ABCA6: variants seen among roughly 807,000 people sequenced by gnomAD.
The protein encoded by ABCA6 is ATP binding cassette subfamily A member 6.
Under a neutral mutation model 191.2 loss-of-function variants are expected in ABCA6, and 164 were observed. That is an observed-to-expected ratio of 0.86 (90% CI 0.76 to 0.98). ABCA6 has a LOEUF of 0.98. Ranked by LOEUF, ABCA6 falls within the 50% of genes least tolerant of loss-of-function variation. The pLI, the probability that ABCA6 is intolerant of heterozygous loss-of-function variation, is 0.00. For missense variants in ABCA6, 1,958 were observed against 1,894.1 expected (o/e 1.03, Z -0.63); for synonymous variants, 636 against 647.7 (o/e 0.98, Z 0.27).
intron 10 of ABCA6, among the ~76,000 whole-genome samples, chr17:69,121,093 T>C (rs1423740018): frequency 6.6e-6 from 1 of 151,876 alleles, no homozygotes; most frequent in Non-Finnish European, 1.5e-5. Context: ...AGAGACCACA[T>C]AGGAAGAAAA....
At chr17:69,087,157 TC>T (rs1598443370) in intron 29 of ABCA6, among the ~76,000 whole-genome samples, 195 bp downstream of exon 29, 1 of 152,238 alleles carries the variant, frequency 6.6e-6, no homozygotes, top group African/African-American at 2.4e-5. Flanking sequence ...GGTTTTGTGT[TC>T]TTTTTAGCTT....
intron 8 of ABCA6, among the ~76,000 whole-genome samples, chr17:69,127,211 A>T (rs1183425037): frequency 6.6e-6 from 1 of 152,182 alleles, no homozygotes; most frequent in Non-Finnish European, 1.5e-5. Context: ...CAGCCAGAAA[A>T]TATCTTTGTA....
intron 23 of ABCA6, among the ~76,000 whole-genome samples, chr17:69,097,236 C>T (rs546064246): frequency 3.9e-5 from 6 of 152,110 alleles, no homozygotes; most frequent in African/African-American, 1.4e-4. Flanking sequence ...ACTAAAAACA[C>T]AAAAAGTAGT....
chr17:69,128,643 A>C lies in ABCA6; in HGVS notation c.1095T>G (p.Phe365Leu). The change falls in exon 8 of 39, where the codon TTT becomes TTG. Residue 365 changes from phenylalanine (F) to leucine (L), a missense_variant. Coordinates refer to ENST00000284425, the MANE Select transcript of ABCA6 (RefSeq NM_080284.3). ...CCTGAATCATTCCAGTAGTAAAGGC[A>C]AAAGGGCTACAAATATTCAAAATCC... ...LEWILNICSPFAFTTGMIQII... is the reference protein window; with the variant it reads ...LEWILNICSPLAFTTGMIQII... The C allele has an allele frequency of 1.9e-6, 3 of 1,612,690 alleles. No individual in the cohort carries two copies. Among genetic ancestry groups the C allele is most frequent in the Non-Finnish European group, 2.5e-6 (3 of 1,179,202 alleles).
In ABCA6 at chr17:69,088,161, C is replaced by T. The variant is rs1288935821; in HGVS notation, c.3698+6G>A. 1.9e-6 allele frequency: 3 copies of T among 1,606,498 alleles called. No individual in the cohort carries two copies. The highest frequency in any genetic ancestry group is 2.6e-6 in the Non-Finnish European group (3 of 1,175,754). On this transcript the variant is annotated splice_donor_region_variant and intron_variant, in intron 28 of 38. Transcript: ENST00000284425. ...TATTAAGTATAAAGTTAAATTTCAC[C>T]CCAACCTGAAAACAGGATCTTTTCG...
At chr17:69,109,381 GC>G in intron 17 of ABCA6, 1 of 152,260 alleles carries the variant, frequency 6.6e-6, no homozygotes, top group South Asian at 2.1e-4. Context: ...TACACAAAGA[GC>G]AAGTAATCTT....
Position 69,128,750 on chromosome 17 carries a change from A to T in ABCA6, c.988T>A (p.Leu330Met). 6.2e-7 allele frequency: 1 copy of T among 1,612,484 alleles called. No individual in the cohort carries two copies. ...AAGAGGGTAAGGAGAAACACAACCA[A>T]ATTGGTGAGGACAGCTTTCTTTAAC... ...VLLKKAVLTNLVVFLLTLFWG... is the reference protein window; with the variant it reads ...VLLKKAVLTNMVVFLLTLFWG... The change falls in exon 8 of 39, where the codon TTG becomes ATG. Residue 330 changes from leucine (L) to methionine (M), a missense_variant. Coordinates refer to ENST00000284425, the MANE Select transcript of ABCA6 (RefSeq NM_080284.3).
At position 69,115,444 on chromosome 17, in the gene ABCA6, A is replaced by T. The variant is rs754019110; in HGVS notation, c.1538T>A (p.Leu513Gln). 7.4e-6 allele frequency: 12 copies of T among 1,612,038 alleles called. No homozygotes were observed. The East Asian group carries it at 2.7e-4, about 36-fold the overall frequency. Residue 513 changes from leucine to glutamine, a missense_variant, in exon 12 of 39, where the codon CTG (leucine) becomes CAG (glutamine). Transcript: ENST00000284425. The stretch of plus-strand genomic sequence containing the variant: ...AGATTTGCCAGCTCCACTGTGACCC[A>T]GGATTGCCGTGATTTGACCTTCATA... ...DIYEGQITAILGHSGAGKSSL... is the reference protein window; with the variant it reads ...DIYEGQITAIQGHSGAGKSSL...
intron 8 of ABCA6, among the ~76,000 whole-genome samples, chr17:69,126,999 A>T (rs1484503648): frequency 6.6e-6 from 1 of 152,204 alleles, no homozygotes; most frequent in East Asian, 1.9e-4. Flanking sequence ...ATTTTGGCCA[A>T]TACATGATTG....
At chr17:69,134,274 G>T (rs1333203238) in intron 5 of ABCA6, among the ~76,000 whole-genome samples, 1 of 152,152 alleles carries the variant, frequency 6.6e-6, no homozygotes, top group African/African-American at 2.4e-5. Flanking sequence ...GTATTAGGAG[G>T]GAGAGCCTTT....
chr17:69,086,881 T>C (rs2072808543), intron 29 of ABCA6, 146 bp from the exon 30 acceptor site: 6 of 567,592 alleles, frequency 1.1e-5, no homozygotes, highest in East Asian at 6.2e-5. Context: ...CATTCATTAA[T>C]GTAGAAAATA....
rs1422673066 is a variant in ABCA6 at position 69,128,798 on chromosome 17, A to C, written c.940T>G (p.Leu314Val). The change falls in exon 8 of 39, where the codon TTG becomes GTG. Residue 314 changes from leucine to valine, a missense_variant. Coordinates refer to ENST00000284425, the MANE Select transcript of ABCA6 (RefSeq NM_080284.3). ...FFLYGLSLVA[L>V]VFLMSVLLKK... is the part of the protein sequence containing the mutation. ...AACAGCACACTCATCAGGAACACCA[A>C]AGCTACCTGCAAGAGAGAGAAGACA... 8 of 1,593,024 alleles carry C rather than the reference A, an allele frequency of 5.0e-6. No homozygotes were observed. The East Asian group carries it at 1.4e-4, about 27-fold the overall frequency.
In ABCA6 at chr17:69,124,618, A is replaced by G. The variant is rs375763340; in HGVS notation, c.1267+270T>C. On this transcript the variant is annotated intron_variant, in intron 9 of 38. Coordinates refer to ENST00000284425, the MANE Select transcript of ABCA6 (RefSeq NM_080284.3). ...CACTTTCAGGGATCCATGAAAACCT[A>G]ACATTATTTAATTACCACACAATTA... Among the ~76,000 whole-genome samples the G allele has an allele frequency of 5.5e-4, 83 of 151,992 alleles. 1 individual carries two copies. In the South Asian group the frequency reaches 0.016, roughly 30 times the overall value.
chr17:69,136,207 T>G lies in ABCA6; in HGVS notation c.345A>C (p.Glu115Asp), dbSNP rs747009932. The G allele has an allele frequency of 6.3e-6, 10 of 1,596,554 alleles. No homozygotes were observed. The highest frequency in any genetic ancestry group is 8.5e-6 in the Non-Finnish European group (10 of 1,170,438). ...IGAPNKTHMD[E>D]ILLENLPYAM... ...CATATGGTAAATTTTCCAGAAGTAT[T>G]TCGTCCATGTGTGTTTTATTTGGTG... Residue 115 changes from glutamate to aspartate, a missense_variant, in exon 4 of 39, where the codon GAA becomes GAC. Transcript: ENST00000284425.
chr17:69,118,076 C>T (rs2073570153), intron 10 of ABCA6, 120 bp from the exon 11 acceptor site: 1 of 622,774 alleles, frequency 1.6e-6, no homozygotes, highest in Non-Finnish European at 2.8e-6. Context: ...TAAGGGATGG[C>T]ATAAACAGTC....
chr17:69,085,535 A>AAAT, intron 31 of ABCA6, 90 bp downstream of exon 31: 1 of 801,892 alleles, frequency 1.2e-6, no homozygotes, highest in Non-Finnish European at 1.8e-6. Flanking sequence ...AAAAAAAAAA[A>AAAT]GAAAAGAAAA....
At chr17:69,101,833 C>T (rs984233167) in intron 21 of ABCA6, among the ~76,000 whole-genome samples, 2 of 152,088 alleles carry the variant, frequency 1.3e-5, no homozygotes, top group Non-Finnish European at 2.9e-5. Flanking sequence ...AGGTATGTAA[C>T]GTAGTAGCTG....
chr17:69,087,329 C>T (rs2072823168), intron 29 of ABCA6, 24 bp downstream of exon 29: 1 of 1,607,432 alleles, frequency 6.2e-7, no homozygotes, highest in Non-Finnish European at 8.5e-7. Context: ...CCATTAATAT[C>T]CATTTTGCCC....
chr17:69,103,164 T>C (rs1165233100), intron 20 of ABCA6, among the ~76,000 whole-genome samples, 196 bp from the exon 21 acceptor site: 1 of 152,194 alleles, frequency 6.6e-6, no homozygotes, highest in Non-Finnish European at 1.5e-5. Context: ...CCACAATGAA[T>C]TAGCTTTATA....
Sources: gnomAD v4.1 joint callset for allele counts (sites outside exome capture counted in the v4.1 genomes callset) on GRCh38, gnomAD v4.1.1 for gene constraint, MANE v1.5 for transcripts, NCBI Gene and HGNC (gene_info 2026-07-23, HGNC 2026-07-21) for gene names.